Variants in CDK14 observed in about 807,000 individuals in gnomAD.
The protein encoded by CDK14 is cyclin-dependent kinase 14.
A neutral mutation model predicts 60.7 loss-of-function variants in CDK14; 34 were observed. That is an observed-to-expected ratio of 0.56 (90% CI 0.43 to 0.75). The LOEUF (loss-of-function observed/expected upper bound fraction) is 0.75. Ranked by LOEUF, CDK14 falls within the 30% of genes least tolerant of loss-of-function variation. The pLI is 0.00. For synonymous variants in CDK14, 197 were observed against 203.7 expected (o/e 0.97, Z 0.28); for missense variants, 482 against 564.1 (o/e 0.85, Z 1.47).
Position 91,013,824 on chromosome 7 carries a change from A to G in CDK14, c.1041+29583A>G, listed in dbSNP as rs1174632694. ...AACATGTAATGAAGACTCAATCTGAAGAGGTTTTTTAGCTTTGCACAGGAG... is the reference window on the plus strand; with the variant it reads ...AACATGTAATGAAGACTCAATCTGAGGAGGTTTTTTAGCTTTGCACAGGAG... On this transcript the variant is annotated intron_variant, in intron 10 of 14. Transcript: ENST00000380050. Among the ~76,000 whole-genome samples the G allele has an allele frequency of 3.9e-5, 6 of 152,082 alleles. No homozygotes were observed. In the East Asian group the frequency reaches 1.2e-3, roughly 29 times the overall value.
At chr7:90,687,183 G>C (rs1402354528) in intron 2 of CDK14, among the ~76,000 whole-genome samples, 1 of 152,148 alleles carries the variant, frequency 6.6e-6, no homozygotes, top group East Asian at 1.9e-4. Context: ...CATGATTTGA[G>C]TGGGCTGTAA....
intron 2 of CDK14, among the ~76,000 whole-genome samples, chr7:90,617,526 A>C (rs1030658665): frequency 6.6e-6 from 1 of 152,172 alleles, no homozygotes; most frequent in Non-Finnish European, 1.5e-5. Context: ...GATCTATGTC[A>C]TTTTTGAACT....
At chr7:91,031,898 G>A (rs1366562006) in intron 10 of CDK14, among the ~76,000 whole-genome samples, 4 of 152,214 alleles carry the variant, frequency 2.6e-5, no homozygotes, top group African/African-American at 9.6e-5. Flanking sequence ...CCTGCTGGGA[G>A]AAAAGGAGTC....
intron 4 of CDK14, among the ~76,000 whole-genome samples, chr7:90,761,602 T>C (rs1804313709): frequency 6.6e-6 from 1 of 152,190 alleles, no homozygotes. Context: ...TTTGCCAGGA[T>C]ATATTTGTTG....
chr7:91,148,584 A>G (rs965069219), intron 14 of CDK14, among the ~76,000 whole-genome samples: 4 of 152,132 alleles, frequency 2.6e-5, no homozygotes, highest in Non-Finnish European at 5.9e-5. Flanking sequence ...TTAGGCTACA[A>G]TGTCAGGTGA....
At chr7:90,786,101 C>G (rs1805571634) in intron 4 of CDK14, among the ~76,000 whole-genome samples, 1 of 152,096 alleles carries the variant, frequency 6.6e-6, no homozygotes, top group African/African-American at 2.4e-5. Flanking sequence ...TGAGTCATGG[C>G]TCCTTTGGGC....
At chr7:90,830,709 A>G (rs1789887353) in intron 5 of CDK14, among the ~76,000 whole-genome samples, 1 of 152,106 alleles carries the variant, frequency 6.6e-6, no homozygotes, top group Non-Finnish European at 1.5e-5. Flanking sequence ...CCAATGTCAG[A>G]CCATCTCTTT....
chr7:91,130,185 T>A (rs1396201666), intron 14 of CDK14, among the ~76,000 whole-genome samples: 2 of 152,298 alleles, frequency 1.3e-5, no homozygotes, highest in East Asian at 3.9e-4. Context: ...CATAATAGAT[T>A]GAATGTAGAA....
chr7:90,821,453 G>A (rs576686395), intron 5 of CDK14, among the ~76,000 whole-genome samples: 5 of 152,260 alleles, frequency 3.3e-5, no homozygotes, highest in South Asian at 2.1e-4. Flanking sequence ...TTCTTTGTTC[G>A]TGTGGCTGTC....
At chr7:90,598,704 A>ATTTGTTTTT (rs1554416545) in intron 1 of CDK14, among the ~76,000 whole-genome samples, 12 of 87,902 alleles carry the variant, frequency 1.4e-4, no homozygotes, top group East Asian at 2.9e-4. Flanking sequence ...TTATCTAAGG[A>ATTTGTTTTT]TTTTTTTTTT....
intron 6 of CDK14, among the ~76,000 whole-genome samples, chr7:90,888,923 G>T (rs1173039742): frequency 2.4e-4 from 36 of 152,192 alleles, no homozygotes; most frequent in Admixed American, 2.4e-3. Flanking sequence ...TGAATGGTTT[G>T]CCAGAGGGCA....
Position 90,596,534 on chromosome 7 carries a change from G to T in CDK14, c.-94G>T. On this transcript the variant is annotated 5_prime_UTR_variant, in exon 1 of 15. Coordinates refer to ENST00000380050, the MANE Select transcript of CDK14 (RefSeq NM_001287135.2). ...GCCCGCCGAGGAGGTGGTGGAGGAG[G>T]AGGCGCCGCTTTCCCCGCGGCGCGC... The T allele has an allele frequency of 2.0e-6, 2 of 1,004,604 alleles. No homozygotes were observed. Among genetic ancestry groups the T allele is most frequent in the Non-Finnish European group, 1.5e-6 (1 of 654,954 alleles). 62.2% of individuals were successfully genotyped at this position (1,004,604 alleles called of 1,614,324 possible).
intron 10 of CDK14, among the ~76,000 whole-genome samples, chr7:91,031,483 A>G (rs1441471473): frequency 6.6e-6 from 1 of 152,094 alleles, no homozygotes; most frequent in East Asian, 1.9e-4. Context: ...AATTAATATT[A>G]TTTTATAATT....
chr7:90,807,247 C>T (rs1788887319), intron 5 of CDK14, among the ~76,000 whole-genome samples: 1 of 152,122 alleles, frequency 6.6e-6, no homozygotes. Flanking sequence ...CTCACATGGC[C>T]AGTTACTCCT....
chr7:90,763,370 C>T (rs897186002), intron 4 of CDK14, among the ~76,000 whole-genome samples: 4 of 152,172 alleles, frequency 2.6e-5, no homozygotes, highest in Non-Finnish European at 5.9e-5. Context: ...CTTTCACCTA[C>T]TCTTGATCAA....
Position 90,596,685 on chromosome 7 carries a change from C to A in CDK14, c.58C>A (p.Arg20=). The change falls in exon 1 of 15, where the codon CGG becomes AGG. Residue 20 remains arginine, a synonymous_variant. Coordinates refer to ENST00000380050, the MANE Select transcript of CDK14 (RefSeq NM_001287135.2). ...AEKIGKMKKL[R]RTLSESFSRI... ...GAAGATCGGCAAGATGAAGAAGTTG[C>A]GGAGAACTTTGTCGGAGAGTTTCAG... 1 of 1,612,030 alleles carries A rather than the reference C, an allele frequency of 6.2e-7. No homozygotes were observed. Among genetic ancestry groups the A allele is most frequent in the Non-Finnish European group, 8.5e-7 (1 of 1,179,334 alleles).
intron 14 of CDK14, among the ~76,000 whole-genome samples, chr7:91,192,626 C>T (rs1004742130): frequency 6.6e-6 from 1 of 152,070 alleles, no homozygotes; most frequent in African/African-American, 2.4e-5. Flanking sequence ...TTGGCAAAGC[C>T]GTGAGAAGCT....
chr7:90,710,390 T>C (rs779782087), intron 2 of CDK14: 2 of 985,326 alleles, frequency 2.0e-6, no homozygotes, highest in Non-Finnish European at 2.4e-6. Context: ...GACGAGAGAC[T>C]ACTTTTTCCA....
chr7:90,731,358 G>GT (rs1212326691), intron 3 of CDK14, among the ~76,000 whole-genome samples: 2 of 152,044 alleles, frequency 1.3e-5, no homozygotes, highest in Non-Finnish European at 2.9e-5. Flanking sequence ...ATTTAAAGTA[G>GT]TTTTTTCCAG....
Sources: gnomAD v4.1 joint callset for allele counts (sites outside exome capture counted in the v4.1 genomes callset) on GRCh38, gnomAD v4.1.1 for gene constraint, MANE v1.5 for transcripts, NCBI Gene and HGNC (gene_info 2026-07-23, HGNC 2026-07-21) for gene names.